Variants in LARP1 observed in about 807,000 individuals in gnomAD.
LARP1 encodes La ribonucleoprotein 1, translational regulator.
LARP1 carries 36 observed loss-of-function variants against 122.7 expected under a neutral mutation model. That is an observed-to-expected ratio of 0.29 (90% CI 0.22 to 0.39). The LOEUF (loss-of-function observed/expected upper bound fraction) is 0.39, where lower values mean the gene tolerates loss of function less well. Ranked by LOEUF, LARP1 falls within the 10% of genes least tolerant of loss-of-function variation. The pLI is 1.00. For synonymous variants in LARP1, 539 were observed against 528.7 expected (o/e 1.02, Z -0.27); for missense variants, 1,040 against 1,403.6 (o/e 0.74, Z 4.14).
At position 154,793,711 on chromosome 5, in the gene LARP1, G is replaced by A. The variant is rs1272104521; in HGVS notation, c.856G>A (p.Gly286Arg). ...GCCTAGACACATACCTGCCAATCGC[G>A]GAGAGATCAAAGGTATGCACTACCC... ...PEPRHIPANR[G>R]EIKGSESATY... is the part of the protein sequence containing the mutation. The change falls in exon 5 of 19, where the codon GGA becomes AGA. Residue 286 changes from glycine (G) to arginine (R), a missense_variant. This residue lies in a region of LARP1 where 178 missense variants were observed against 178.3 expected (regional missense o/e 1.00). Coordinates refer to ENST00000518297, the MANE Select transcript of LARP1 (RefSeq NM_033551.3). 2.5e-6 allele frequency: 4 copies of A among 1,614,142 alleles called. No individual in the cohort carries two copies. The highest frequency in any genetic ancestry group is 1.7e-5 in the Admixed American group (1 of 60,032).
intron 1 of LARP1, among the ~76,000 whole-genome samples, chr5:154,704,192 G>T (rs899456329): frequency 6.6e-6 from 1 of 152,200 alleles, no homozygotes; most frequent in Non-Finnish European, 1.5e-5. Context: ...TTAATTACAA[G>T]TACGATAAGC....
chr5:154,808,644 G>GA, intron 16 of LARP1, 41 bp downstream of exon 16: 1 of 1,578,396 alleles, frequency 6.3e-7, no homozygotes. Flanking sequence ...GGTGCTTAGG[G>GA]ATGATGTGGG....
At chr5:154,724,946 A>G (rs1036726743) in intron 1 of LARP1, among the ~76,000 whole-genome samples, 1 of 152,176 alleles carries the variant, frequency 6.6e-6, no homozygotes, top group Admixed American at 6.5e-5. Flanking sequence ...GATTACAGGC[A>G]TGAGCCATCT....
intron 1 of LARP1, chr5:154,685,812 T>A (rs768518469): frequency 4.5e-6 from 2 of 444,118 alleles, no homozygotes; most frequent in African/African-American, 6.3e-5. Flanking sequence ...CTCTACAATT[T>A]TTTTTTTTTT....
rs150938989 is a variant in LARP1 at position 154,784,082 on chromosome 5, T to G, written c.437-6243T>G. ...CTAGGACACTAGCAATTTCTCTGTA[T>G]TTGGGAGGGCCCCAGCTGAAGGCTA... On this transcript the variant is annotated intron_variant, in intron 1 of 18. Coordinates refer to ENST00000518297, the MANE Select transcript of LARP1 (RefSeq NM_033551.3). 1.1e-4 allele frequency among the ~76,000 whole-genome samples: 17 copies of G among 152,322 alleles called. No homozygotes were observed. In the East Asian group the frequency reaches 3.1e-3, roughly 28 times the overall value.
intron 1 of LARP1, among the ~76,000 whole-genome samples, chr5:154,738,591 CAAA>C (rs1043450252): frequency 7.0e-6 from 1 of 142,990 alleles, no homozygotes; most frequent in Admixed American, 7.0e-5. Context: ...GACTCCGTCT[CAAA>C]AAAAAAAAGA....
At chr5:154,752,811 C>T (rs992566099), upstream of LARP1, among the ~76,000 whole-genome samples, 6 of 151,622 alleles carry the variant, frequency 4.0e-5, no homozygotes, top group East Asian at 5.9e-4. Context: ...TGGTGGCGGG[C>T]GCCTGTAATT....
intron 1 of LARP1, among the ~76,000 whole-genome samples, chr5:154,690,729 G>A (rs1754155992): frequency 6.6e-6 from 1 of 150,634 alleles, no homozygotes; most frequent in African/African-American, 2.5e-5. Flanking sequence ...CTGGTGGTGT[G>A]CGGAGGACGC....
chr5:154,784,042 G>A (rs1756682338), intron 1 of LARP1, among the ~76,000 whole-genome samples: 1 of 152,238 alleles, frequency 6.6e-6, no homozygotes, highest in Non-Finnish European at 1.5e-5. Context: ...GCGTTCCTCT[G>A]GGAGCCAGCA....
At chr5:154,770,036 C>T (rs546856883) in intron 1 of LARP1, among the ~76,000 whole-genome samples, 2 of 152,152 alleles carry the variant, frequency 1.3e-5, no homozygotes, top group Non-Finnish European at 2.9e-5. Flanking sequence ...GAGTCTGGAT[C>T]CTGTTCTGAA....
At chr5:154,690,350 C>T (rs965548352) in intron 1 of LARP1, among the ~76,000 whole-genome samples, 1 of 152,140 alleles carries the variant, frequency 6.6e-6, no homozygotes, top group Non-Finnish European at 1.5e-5. Context: ...ACATTAGGCA[C>T]CCAACCCTAC....
chr5:154,799,610 T>G lies in LARP1; in HGVS notation c.1397T>G (p.Val466Gly). The G allele has an allele frequency of 6.2e-7, 1 of 1,614,138 alleles. No individual in the cohort carries two copies. The highest frequency in any genetic ancestry group is 8.5e-7 in the Non-Finnish European group (1 of 1,180,002). The change falls in exon 9 of 19, where the codon GTG (valine) becomes GGG (glycine). Residue 466 changes from valine to glycine, a missense_variant. Transcript: ENST00000518297. ...CTTCAGGCCCTAAAGGACAGCAAGG[T>G]GGTGGAGATCGTTGATGAGAAAGTT... ...LIFAALKDSK[V>G]VEIVDEKVRR...
chr5:154,784,615 T>C (rs1756739091), intron 1 of LARP1, among the ~76,000 whole-genome samples: 1 of 152,246 alleles, frequency 6.6e-6, no homozygotes, highest in African/African-American at 2.4e-5. Context: ...CTCTGGGTCC[T>C]GAAGGCTTTC....
rs1329800682 is a variant in LARP1, at chr5:154,803,252, A to G, written c.2110-38A>G. ...TTAAACAGGCTAGAGCAGCCTGCTT[A>G]CTTACATCTTTCCCCACTCATCTCA... On this transcript the variant is annotated intron_variant, in intron 11 of 18. Transcript: ENST00000518297. The surrounding 1 kb of genome is among the most constrained non-coding windows in gnomAD (Gnocchi z 4.4). The G allele has an allele frequency of 6.2e-7, 1 of 1,613,972 alleles. No individual in the cohort carries two copies. Among genetic ancestry groups the G allele is most frequent in the Admixed American group, 1.7e-5 (1 of 60,014 alleles).
chr5:154,730,981 C>T (rs1427025366), intron 1 of LARP1, among the ~76,000 whole-genome samples: 3 of 150,042 alleles, frequency 2.0e-5, no homozygotes, highest in East Asian at 4.0e-4. Context: ...CATACCACCA[C>T]ACCTGGCTAA....
chr5:154,778,027 C>T (rs774878348), intron 1 of LARP1, among the ~76,000 whole-genome samples: 4 of 152,006 alleles, frequency 2.6e-5, no homozygotes, highest in East Asian at 1.9e-4. Flanking sequence ...TTTGGGAGGC[C>T]GAGGCAGGCG....
chr5:154,761,183 C>G (rs768434029), intron 1 of LARP1, among the ~76,000 whole-genome samples: 2 of 152,202 alleles, frequency 1.3e-5, no homozygotes, highest in African/African-American at 2.4e-5. Flanking sequence ...TCATCGGGAG[C>G]CTTCAGCTGG....
chr5:154,709,805 C>T (rs1755130045), upstream of LARP1, among the ~76,000 whole-genome samples: 2 of 152,020 alleles, frequency 1.3e-5, no homozygotes, highest in African/African-American at 4.8e-5. Flanking sequence ...TTAATTGTCA[C>T]TTGCTACTCA....
chr5:154,737,415 C>T (rs1756960244), intron 1 of LARP1, among the ~76,000 whole-genome samples: 2 of 142,708 alleles, frequency 1.4e-5, no homozygotes, highest in African/African-American at 2.6e-5. Context: ...TTTTGGTAAT[C>T]TAGAAGCATG....
Sources: allele counts gnomAD v4.1 joint callset (sites outside exome capture counted in the v4.1 genomes callset), GRCh38; gene constraint gnomAD v4.1.1; regional missense constraint gnomAD v4.1.1; non-coding constraint Gnocchi (gnomAD v3.1); transcripts MANE v1.5; gene names NCBI Gene and HGNC (gene_info 2026-07-23, HGNC 2026-07-21).